The following INTS6 variants were observed in gnomAD, a reference collection of about 807,000 sequenced individuals.
INTS6 encodes DEAD box protein.
In INTS6, 16 loss-of-function variants were observed where a neutral mutation model predicts 104.9. The ratio of observed to expected loss-of-function variants is 0.15; its 90% confidence interval spans 0.10 to 0.23. INTS6 has a LOEUF of 0.23. Among genes scored for constraint, INTS6 ranks in the 10% least tolerant of loss-of-function variants. The pLI, the probability that INTS6 is intolerant of heterozygous loss-of-function variation, is 1.00. For missense variants in INTS6, 584 were observed against 1,062.8 expected (o/e 0.55, Z 6.26); for synonymous variants, 324 against 358.7 (o/e 0.90, Z 1.09).
the INTS6 span, among the ~76,000 whole-genome samples, chr13:51,345,164 C>T: frequency 3.3e-5 from 5 of 152,216 alleles, no homozygotes; most frequent in Admixed American, 6.5e-5. Context: ...AAGGGGTAGG[C>T]GCTATTACTC....
At chr13:51,447,421 T>C (rs1271689696) in intron 3 of INTS6, 2 of 152,148 alleles carry the variant, frequency 1.3e-5, no homozygotes, top group African/African-American at 4.8e-5. Flanking sequence ...ATAAAATTGG[T>C]TAAAATTCTT....
At chr13:51,394,775 T>C (rs569660900) in intron 5 of INTS6, among the ~76,000 whole-genome samples, 1 of 152,268 alleles carries the variant, frequency 6.6e-6, no homozygotes, top group Non-Finnish European at 1.5e-5. Flanking sequence ...TCTGAGTTGA[T>C]TACATATTGT....
chr13:51,404,103 C>CACACACACACACACAGAGAG (rs1491389220), intron 4 of INTS6, among the ~76,000 whole-genome samples: 1 of 103,954 alleles, frequency 9.6e-6, no homozygotes, highest in African/African-American at 3.9e-5. Context: ...CACACACACA[C>CACACACACACACACAGAGAG]AGAGAGAGAG....
chr13:51,444,133 A>C (rs977333303), intron 3 of INTS6: 2 of 152,540 alleles, frequency 1.3e-5, no homozygotes, highest in East Asian at 3.8e-4. Flanking sequence ...GTTGGAGTGC[A>C]GTGGCACCAT....
At chr13:51,425,213 C>A (rs762026306) in intron 4 of INTS6, among the ~76,000 whole-genome samples, 5 of 152,000 alleles carry the variant, frequency 3.3e-5, no homozygotes, top group Non-Finnish European at 7.4e-5. Flanking sequence ...TGGACTTTTG[C>A]ATCCATTTTT....
In INTS6 at chr13:51,452,569, G is replaced by C; in HGVS notation, c.-44C>G. ...CGGGGCCCGAGGTGGTGGAGAAAGA[G>C]GAGATGGTAGAGGTGGAGGCGCCGG... is the stretch of plus-strand genomic sequence containing the variant. On this transcript the variant is annotated 5_prime_UTR_variant, in exon 1 of 18. Coordinates refer to ENST00000311234, the MANE Select transcript of INTS6 (RefSeq NM_012141.3). The surrounding 1 kb of genome is among the most constrained non-coding windows in gnomAD (Gnocchi z 4.2). 1.3e-6 allele frequency: 2 copies of C among 1,596,982 alleles called. No individual in the cohort carries two copies. The highest frequency in any genetic ancestry group is 1.7e-6 in the Non-Finnish European group (2 of 1,170,362).
chr13:51,358,906 C>T (rs1473438370), downstream of INTS6, among the ~76,000 whole-genome samples: 1 of 152,054 alleles, frequency 6.6e-6, no homozygotes, highest in Non-Finnish European at 1.5e-5. Context: ...TCCTGTAAAT[C>T]TGGGACAGAG....
chr13:51,350,037 GC>G (rs1251602312), downstream of INTS6, among the ~76,000 whole-genome samples: 1 of 152,166 alleles, frequency 6.6e-6, no homozygotes, highest in African/African-American at 2.4e-5. Context: ...CACAAAGTCA[GC>G]TTTTAGGCAG....
At chr13:51,425,098 T>C (rs555829946) in intron 4 of INTS6, among the ~76,000 whole-genome samples, 2 of 152,168 alleles carry the variant, frequency 1.3e-5, no homozygotes, top group East Asian at 3.9e-4. Context: ...ATTTCTGGCC[T>C]GTCTTTTAAT....
At chr13:51,431,310 T>A (rs1461230653) in intron 3 of INTS6, among the ~76,000 whole-genome samples, 1 of 152,198 alleles carries the variant, frequency 6.6e-6, no homozygotes, top group Admixed American at 6.5e-5. Flanking sequence ...AAGAATTGAA[T>A]GAAGCTTTCT....
downstream of INTS6, chr13:51,354,048 C>G (rs898153915): frequency 5.9e-5 from 9 of 152,150 alleles, no homozygotes; most frequent in Non-Finnish European, 1.2e-4. Flanking sequence ...TCCCACTGTG[C>G]TCCAAAGGCA....
chr13:51,394,742 A>T (rs1207938765), intron 5 of INTS6, among the ~76,000 whole-genome samples: 1 of 152,212 alleles, frequency 6.6e-6, no homozygotes, highest in East Asian at 1.9e-4. Flanking sequence ...TCCACCTGTT[A>T]GCCAATTCTA....
intron 4 of INTS6, among the ~76,000 whole-genome samples, chr13:51,426,960 C>T (rs551604001): frequency 3.3e-5 from 5 of 152,062 alleles, no homozygotes; most frequent in Non-Finnish European, 7.4e-5. Context: ...CTAAGCAAAT[C>T]ACTCTGACTC....
chr13:51,448,318 G>T (rs879716830), intron 3 of INTS6: 1 of 152,164 alleles, frequency 6.6e-6, no homozygotes, highest in Non-Finnish European at 1.5e-5. Context: ...TAAAGGAAAA[G>T]ATTGACTAAA....
intron 3 of INTS6, chr13:51,445,160 A>C (rs992517308): frequency 6.6e-6 from 1 of 152,196 alleles, no homozygotes; most frequent in African/African-American, 2.4e-5. Context: ...CTTTTTTCAC[A>C]TAAGTATTCT....
chr13:51,450,091 C>T, intron 3 of INTS6: 3 of 985,332 alleles, frequency 3.0e-6, no homozygotes, highest in South Asian at 9.4e-5. Context: ...ATGTACGAAA[C>T]TCACAAAACT....
At chr13:51,384,202 T>A (rs939773005) in intron 7 of INTS6, 1 of 159,342 alleles carries the variant, frequency 6.3e-6, no homozygotes, top group African/African-American at 2.4e-5. Flanking sequence ...CAAAATGGTA[T>A]GAAAATAGGA....
intron 4 of INTS6, among the ~76,000 whole-genome samples, chr13:51,400,367 CAGTT>C (rs1221731560): frequency 2.6e-5 from 4 of 152,160 alleles, no homozygotes; most frequent in African/African-American, 9.7e-5. Flanking sequence ...TTTCCTTTCA[CAGTT>C]AGTGCTTTTT....
downstream of INTS6, among the ~76,000 whole-genome samples, chr13:51,353,810 T>C (rs775566756): frequency 6.6e-6 from 1 of 152,364 alleles, no homozygotes; most frequent in Non-Finnish European, 1.5e-5. Context: ...TCTTGTTCAA[T>C]ATTTTTACTC....
Sources: gnomAD v4.1 joint callset for allele counts (sites outside exome capture counted in the v4.1 genomes callset) on GRCh38, gnomAD v4.1.1 for gene constraint, Gnocchi (gnomAD v3.1) non-coding constraint, MANE v1.5 for transcripts, NCBI Gene and HGNC (gene_info 2026-07-23, HGNC 2026-07-21) for gene names.